The following ZDHHC13 variants were observed in gnomAD, a reference collection of about 807,000 sequenced individuals.
The protein encoded by ZDHHC13 is palmitoyltransferase ZDHHC13.
In ZDHHC13, 85 loss-of-function variants were observed where a neutral mutation model predicts 86.0. That is an observed-to-expected ratio of 0.99 (90% CI 0.83 to 1.18). The LOEUF (loss-of-function observed/expected upper bound fraction) is 1.18. Ranked by LOEUF, ZDHHC13 falls within the 50% of genes most tolerant of loss-of-function variation. The probability of loss-of-function intolerance (pLI) is 0.00; values close to 1 mark genes in which losing one functional copy is unlikely to be tolerated. For synonymous variants in ZDHHC13, 263 were observed against 246.4 expected (o/e 1.07, Z -0.63); for missense variants, 711 against 730.2 (o/e 0.97, Z 0.30).
chr11:19,150,856 AT>A, intron 6 of ZDHHC13, 65 bp downstream of exon 6: 1 of 1,442,506 alleles, frequency 6.9e-7, no homozygotes, highest in Non-Finnish European at 9.7e-7. Context: ...TGTGTATGTA[AT>A]TTTAAGTATC....
At chr11:19,163,590 A>G (rs570007413) in intron 11 of ZDHHC13, among the ~76,000 whole-genome samples, 163 bp downstream of exon 11, 1 of 152,330 alleles carries the variant, frequency 6.6e-6, no homozygotes, top group Admixed American at 6.5e-5. Flanking sequence ...TCATTTATGT[A>G]TATGAAAGTT....
chr11:19,137,288 T>C (rs1696356590), intron 1 of ZDHHC13, among the ~76,000 whole-genome samples: 1 of 151,998 alleles, frequency 6.6e-6, no homozygotes, highest in Non-Finnish European at 1.5e-5. Context: ...TAAAACAGAC[T>C]TTGAACCAAC....
chr11:19,149,353 A>G (rs1296434857), intron 5 of ZDHHC13, 22 bp downstream of exon 5: 3 of 1,534,440 alleles, frequency 2.0e-6, no homozygotes, highest in South Asian at 2.5e-5. Context: ...AATGTGTCTT[A>G]TACTCCAGTT....
rs1269609657 is a variant in ZDHHC13, at chr11:19,146,154, A to G, written c.174-27A>G. 9 of 1,540,912 alleles carry G rather than the reference A, an allele frequency of 5.8e-6. 1 individual carries two copies. Among genetic ancestry groups the G allele is most frequent in the South Asian group, 2.5e-5 (2 of 80,086 alleles). On this transcript the variant is annotated intron_variant, in intron 2 of 16. Coordinates refer to ENST00000446113, the MANE Select transcript of ZDHHC13 (RefSeq NM_019028.3). ...ATTTGAAATGATTTTAATTGTATCA[A>G]TTATGCTTTTTTTTTTCTTCTTTGA...
rs73438392 is a variant in ZDHHC13, at chr11:19,176,008, G to A, written c.*48G>A. On this transcript the variant is annotated 3_prime_UTR_variant, in exon 17 of 17. Coordinates refer to ENST00000446113, the MANE Select transcript of ZDHHC13 (RefSeq NM_019028.3). ...AATCTGATTTGTTTTTGTTTATGTCGATGCCCTGTAGTTTGAAAGTGAAGT... is the reference window on the plus strand; with the variant it reads ...AATCTGATTTGTTTTTGTTTATGTCAATGCCCTGTAGTTTGAAAGTGAAGT... 7.3e-4 allele frequency: 1,139 copies of A among 1,560,646 alleles called. 5 individuals carry two copies. In the African/African-American group the frequency reaches 0.014, roughly 19 times the overall value.
At chr11:19,173,226 C>T (rs1850272568) in intron 16 of ZDHHC13, among the ~76,000 whole-genome samples, 1 of 152,190 alleles carries the variant, frequency 6.6e-6, no homozygotes, top group Non-Finnish European at 1.5e-5. Flanking sequence ...GATTTTCAGC[C>T]TGGCTTTCTA....
In ZDHHC13 at chr11:19,128,970, C is replaced by T. The variant is rs1409829989; in HGVS notation, c.27+11694C>T. 2.0e-5 allele frequency among the ~76,000 whole-genome samples: 3 copies of T among 152,268 alleles called. No individual in the cohort carries two copies. The East Asian group carries it at 5.8e-4, about 29-fold the overall frequency. ...TACTGCCCAGGTCTGTGTAAATACACATTGTGATGTTTGCACAAGAATGAA... is the reference window on the plus strand; with the variant it reads ...TACTGCCCAGGTCTGTGTAAATACATATTGTGATGTTTGCACAAGAATGAA... On this transcript the variant is annotated intron_variant, in intron 1 of 16. Coordinates refer to ENST00000446113, the MANE Select transcript of ZDHHC13 (RefSeq NM_019028.3).
chr11:19,176,073 G>A lies in ZDHHC13; in HGVS notation c.*113G>A. 8.1e-7 allele frequency: 1 copy of A among 1,236,420 alleles called. No individual in the cohort carries two copies. Among genetic ancestry groups the A allele is most frequent in the Non-Finnish European group, 1.1e-6 (1 of 937,308 alleles). The allele number at this position is 1,236,420 out of a possible 1,614,324, so 76.6% of individuals were successfully genotyped here. A position where few individuals can be genotyped will look rare whatever the true frequency, so the allele number is the denominator to read the frequency against. On this transcript the variant is annotated 3_prime_UTR_variant, in exon 17 of 17. Coordinates refer to ENST00000446113, the MANE Select transcript of ZDHHC13 (RefSeq NM_019028.3). ...CACCTAAGTCCAAAGGAAAACACGT[G>A]GTTTTTAAAGCCATTAGGTAAAAAA...
chr11:19,168,309 C>T (rs1022499965), intron 14 of ZDHHC13: 2 of 152,174 alleles, frequency 1.3e-5, no homozygotes, highest in Non-Finnish European at 2.9e-5. Flanking sequence ...CCACTCCTGC[C>T]TCTCTTCTCT....
chr11:19,142,994 A>C lies in ZDHHC13; in HGVS notation c.44A>C (p.His15Pro). 6.2e-7 allele frequency: 1 copy of C among 1,609,732 alleles called. No individual in the cohort carries two copies. Among genetic ancestry groups the C allele is most frequent in the Non-Finnish European group, 8.5e-7 (1 of 1,177,686 alleles). Residue 15 changes from histidine (H) to proline (P), a missense_variant, in exon 2 of 17, where the codon CAT becomes CCT. His to Pro is a moderately conservative substitution (Grantham distance 77, BLOSUM62 -2). Transcript: ENST00000446113. The stretch of plus-strand genomic sequence containing the variant: ...ACTCTTCAGTGCAGGAATCACAGCC[A>C]TGGCCCCCACCCTCCAGGATTTGGT... ...GLGSQCRNHS[H>P]GPHPPGFGRY...
intron 1 of ZDHHC13, among the ~76,000 whole-genome samples, chr11:19,130,081 C>T (rs1848961507): frequency 6.6e-6 from 1 of 151,554 alleles, no homozygotes; most frequent in South Asian, 2.1e-4. Context: ...GAGTGAGACT[C>T]CGTCTTAAAA....
intron 11 of ZDHHC13, among the ~76,000 whole-genome samples, chr11:19,163,692 T>C (rs1482153182): frequency 6.6e-6 from 1 of 152,166 alleles, no homozygotes; most frequent in Non-Finnish European, 1.5e-5. Context: ...CCTACTTCCT[T>C]GTAATAACAT....
At chr11:19,121,298 C>A (rs866741972) in intron 1 of ZDHHC13, among the ~76,000 whole-genome samples, 1 of 152,156 alleles carries the variant, frequency 6.6e-6, no homozygotes, top group African/African-American at 2.4e-5. Context: ...TTGGAGTCCA[C>A]CCATTCTTTA....
Position 19,129,869 on chromosome 11 carries a change from G to GAA in ZDHHC13, c.27+12594_27+12595insAA, listed in dbSNP as rs1377597698. Among the ~76,000 whole-genome samples, 1,040 of 152,190 alleles carry GAA rather than the reference G, an allele frequency of 6.8e-3. 7 individuals are homozygous for GAA. The highest frequency in any genetic ancestry group is 0.024 in the African/African-American group (981 of 41,520). ...GCACTTTGGGAGGCCGAGGCGGGTG[G>GAA]ATCATGAGGTCAGGAGATCGAGACC... On this transcript the variant is annotated intron_variant, in intron 1 of 16. Coordinates refer to ENST00000446113, the MANE Select transcript of ZDHHC13 (RefSeq NM_019028.3).
At chr11:19,170,995 A>C (rs1185278574) in intron 15 of ZDHHC13, among the ~76,000 whole-genome samples, 1 of 152,226 alleles carries the variant, frequency 6.6e-6, no homozygotes, top group Admixed American at 6.5e-5. Flanking sequence ...GTTGTGTGTA[A>C]GCATAGTATA....
chr11:19,142,500 C>T (rs1191142220), intron 1 of ZDHHC13, among the ~76,000 whole-genome samples: 3 of 152,118 alleles, frequency 2.0e-5, no homozygotes, highest in African/African-American at 4.8e-5. Context: ...TTGGGGGGTT[C>T]GAGGATATTC....
At chr11:19,147,775 C>CCT in intron 4 of ZDHHC13, 102 bp downstream of exon 4, 1 of 754,416 alleles carries the variant, frequency 1.3e-6, no homozygotes. Flanking sequence ...CTTTTCTTCC[C>CCT]CCCCCCCCTT....
intron 1 of ZDHHC13, among the ~76,000 whole-genome samples, chr11:19,122,224 A>G (rs1848773088): frequency 6.6e-6 from 1 of 152,188 alleles, no homozygotes; most frequent in Non-Finnish European, 1.5e-5. Context: ...ATAGCTCAGT[A>G]TATGTTCATG....
intron 14 of ZDHHC13, chr11:19,169,738 G>A (rs531497617): frequency 1.0e-6 from 1 of 985,460 alleles, no homozygotes; most frequent in Non-Finnish European, 1.2e-6. Context: ...CATGGGTTAG[G>A]AGGTTGATAT....
Sources: gnomAD v4.1 joint callset for allele counts (sites outside exome capture counted in the v4.1 genomes callset) on GRCh38, gnomAD v4.1.1 for gene constraint, MANE v1.5 for transcripts, NCBI Gene and HGNC (gene_info 2026-07-23, HGNC 2026-07-21) for gene names.